MGAT4D: variants seen among roughly 807,000 people sequenced by gnomAD.
MGAT4D encodes the protein alpha-1,3-mannosyl-glycoprotein 4-beta-N-acetylglucosaminyltransferase-like protein MGAT4D.
In MGAT4D, 34 loss-of-function variants were observed where a neutral mutation model predicts 15.9. The ratio of observed to expected loss-of-function variants is 2.14; its 90% CI spans 1.62 to 2.84. MGAT4D has a LOEUF of 2.84. Among genes scored for constraint, MGAT4D ranks in the 30% most tolerant of loss-of-function variants. The pLI is 0.00. For missense variants in MGAT4D, 327 were observed against 140.2 expected, an observed-to-expected ratio of 2.33 and a Z score of -6.73; for synonymous variants, 112 against 48.2, an observed-to-expected ratio of 2.33 and a Z score of -5.49.
At chr4:140,497,574 G>A (rs1422571612) in intron 1 of MGAT4D, among the ~76,000 whole-genome samples, 1 of 152,172 alleles carries the variant, frequency 6.6e-6, no homozygotes, top group Non-Finnish European at 1.5e-5. Context: ...CGGTCCATCG[G>A]AGAAGTCCAG....
chr4:140,472,591 AGT>A (rs1189268529), intron 4 of MGAT4D, among the ~76,000 whole-genome samples: 1 of 152,222 alleles, frequency 6.6e-6, no homozygotes, highest in Admixed American at 6.5e-5. Flanking sequence ...AATCTCTTAT[AGT>A]ACTGGAGGCT....
chr4:140,462,355 A>G (rs1354974204), intron 6 of MGAT4D: 4 of 169,558 alleles, frequency 2.4e-5, no homozygotes, highest in Admixed American at 6.0e-5. Flanking sequence ...TCTTTTTTCA[A>G]TGTCTCTACT....
At chr4:140,475,660 C>CAAAAAAAA (rs1162390812) in intron 3 of MGAT4D, among the ~76,000 whole-genome samples, 8 of 52,852 alleles carry the variant, frequency 1.5e-4, no homozygotes, top group African/African-American at 2.9e-4. Flanking sequence ...AATAAAACTG[C>CAAAAAAAA]AAAAAAAAAA....
chr4:140,454,679 A>G (rs1336047697), intron 9 of MGAT4D, among the ~76,000 whole-genome samples: 4 of 152,058 alleles, frequency 2.6e-5, no homozygotes, highest in Admixed American at 2.0e-4. Context: ...AATTGTTATT[A>G]TTTCATCTCT....
At chr4:140,467,774 T>C (rs1231513454) in intron 5 of MGAT4D, among the ~76,000 whole-genome samples, 3 of 152,048 alleles carry the variant, frequency 2.0e-5, no homozygotes, top group African/African-American at 7.2e-5. Flanking sequence ...TACCTTATAG[T>C]CATACAAGAG....
At position 140,443,416 on chromosome 4, in the gene MGAT4D, G is replaced by C. The variant is rs142835605; in HGVS notation, c.*20C>G. Reference sequence around the variant, plus strand: ...GTTATCTGAGGTTCCAGGTATTACAGAGTTTCTTCTTATTTATCTTCATAT... The same window carrying C: ...GTTATCTGAGGTTCCAGGTATTACACAGTTTCTTCTTATTTATCTTCATAT... On this transcript the variant is annotated 3_prime_UTR_variant, in exon 11 of 11. Coordinates refer to ENST00000511113, the MANE Select transcript of MGAT4D (RefSeq NM_001277353.2). 281 of 532,322 alleles carry C rather than the reference G, an allele frequency of 5.3e-4. 1 individual carries two copies. The highest frequency in any genetic ancestry group is 4.8e-3 in the African/African-American group (244 of 50,368). 33.0% of individuals were successfully genotyped at this position (532,322 alleles called of 1,614,324 possible). A position where few individuals can be genotyped will look rare whatever the true frequency, so the allele number is the denominator to read the frequency against.
At chr4:140,477,453 A>G (rs1732412269) in intron 3 of MGAT4D, among the ~76,000 whole-genome samples, 1 of 152,262 alleles carries the variant, frequency 6.6e-6, no homozygotes, top group Admixed American at 6.5e-5. Flanking sequence ...GAATTCACAG[A>G]GAAGTTGTCA....
intron 5 of MGAT4D, among the ~76,000 whole-genome samples, chr4:140,466,265 GA>G (rs1731526955): frequency 6.6e-6 from 1 of 152,162 alleles, no homozygotes; most frequent in African/African-American, 2.4e-5. Flanking sequence ...GCAACAAAGG[GA>G]ACTTAGTGAA....
intron 9 of MGAT4D, among the ~76,000 whole-genome samples, chr4:140,452,344 C>T (rs2126683330): frequency 6.6e-6 from 1 of 152,066 alleles, no homozygotes; most frequent in South Asian, 2.1e-4. Flanking sequence ...TGCATTTCTA[C>T]CCAGTACTAA....
chr4:140,469,967 T>G (rs1731809677), intron 5 of MGAT4D, among the ~76,000 whole-genome samples: 1 of 152,256 alleles, frequency 6.6e-6, no homozygotes, highest in Admixed American at 6.5e-5. Flanking sequence ...CCGGTTGGCC[T>G]CTGCCTGCGG....
At chr4:140,496,229 T>C (rs1238505650) in intron 1 of MGAT4D, among the ~76,000 whole-genome samples, 1 of 152,214 alleles carries the variant, frequency 6.6e-6, no homozygotes, top group Admixed American at 6.5e-5. Context: ...TTTTCTTTTG[T>C]TGATGTGAGA....
At chr4:140,472,441 C>T (rs1269562906) in intron 4 of MGAT4D, among the ~76,000 whole-genome samples, 2 of 152,040 alleles carry the variant, frequency 1.3e-5, no homozygotes, top group African/African-American at 4.8e-5. Flanking sequence ...GCCTCAGGGC[C>T]CATAAGCATT....
chr4:140,446,250 G>C (rs539263355), intron 10 of MGAT4D, among the ~76,000 whole-genome samples: 16 of 152,116 alleles, frequency 1.1e-4, no homozygotes, highest in Admixed American at 3.3e-4. Flanking sequence ...ATGGTACCAG[G>C]TCTTCTTTGC....
chr4:140,472,995 A>C (rs971230389), intron 4 of MGAT4D, among the ~76,000 whole-genome samples: 1 of 152,154 alleles, frequency 6.6e-6, no homozygotes, highest in South Asian at 2.1e-4. Context: ...CAATAACAAA[A>C]AGAATAAAGA....
intron 9 of MGAT4D, among the ~76,000 whole-genome samples, chr4:140,453,150 T>C (rs1730579049): frequency 6.6e-6 from 1 of 152,200 alleles, no homozygotes; most frequent in South Asian, 2.1e-4. Flanking sequence ...TTGATTACTG[T>C]AGCTTTGTAG....
chr4:140,487,057 G>A (rs1008274286), intron 1 of MGAT4D, among the ~76,000 whole-genome samples: 1 of 152,178 alleles, frequency 6.6e-6, no homozygotes, highest in Non-Finnish European at 1.5e-5. Context: ...TCCAGAGGAA[G>A]CAGTATTTAC....
intron 7 of MGAT4D, among the ~76,000 whole-genome samples, chr4:140,460,113 T>C (rs1731076020): frequency 6.6e-6 from 1 of 152,162 alleles, no homozygotes; most frequent in Admixed American, 6.5e-5. Flanking sequence ...AGAGTATCTG[T>C]TTCTTTCCTA....
chr4:140,483,788 T>G (rs555371231), intron 1 of MGAT4D, among the ~76,000 whole-genome samples: 1 of 152,236 alleles, frequency 6.6e-6, no homozygotes, highest in South Asian at 2.1e-4. Flanking sequence ...TAAAAACGTG[T>G]TTGGAAAACT....
intron 7 of MGAT4D, 39 bp downstream of exon 7, chr4:140,461,890 C>CAG: frequency 3.2e-6 from 2 of 628,942 alleles, no homozygotes; most frequent in Non-Finnish European, 5.8e-6. Context: ...TACACACACA[C>CAG]ACACACACAC....
Sources: allele counts gnomAD v4.1 joint callset (sites outside exome capture counted in the v4.1 genomes callset), GRCh38; gene constraint gnomAD v4.1.1; transcripts MANE v1.5; gene names NCBI Gene and HGNC (gene_info 2026-07-23, HGNC 2026-07-21).